Variants in IL34 observed in about 807,000 individuals in gnomAD.
IL34 encodes the protein interleukin-34.
IL34 carries 17 observed loss-of-function variants against 25.3 expected under a neutral mutation model. That is an observed-to-expected ratio of 0.67 (90% confidence interval 0.46 to 1.01). IL34 has a LOEUF of 1.01. IL34 is among the 50% of genes least tolerant of loss of function. The pLI, the probability that IL34 is intolerant of heterozygous loss-of-function variation, is 0.00. For synonymous variants in IL34, 174 were observed against 140.9 expected, an observed-to-expected ratio of 1.23 and a Z score of -1.66; for missense variants, 368 against 312.9, an observed-to-expected ratio of 1.18 and a Z score of -1.33.
chr16:70,638,221 A>G (rs1281846217), intron 1 of IL34, among the ~76,000 whole-genome samples: 5 of 151,986 alleles, frequency 3.3e-5, no homozygotes, highest in Non-Finnish European at 7.4e-5. Flanking sequence ...TCATGCCTGT[A>G]ACCCCAGCAC....
intron 1 of IL34, among the ~76,000 whole-genome samples, chr16:70,585,403 T>G (rs533672282): frequency 6.6e-6 from 1 of 152,150 alleles, no homozygotes; most frequent in African/African-American, 2.4e-5. Flanking sequence ...AAAAAATAAT[T>G]TTTTTGAGGC....
intron 1 of IL34, among the ~76,000 whole-genome samples, chr16:70,652,173 A>C (rs1261183696): frequency 6.7e-6 from 1 of 149,680 alleles, no homozygotes; most frequent in Non-Finnish European, 1.5e-5. Flanking sequence ...TGCAAGGCCA[A>C]GGCCAGGTGT....
chr16:70,643,066 A>G (rs1199101443), upstream of IL34, among the ~76,000 whole-genome samples: 1 of 151,956 alleles, frequency 6.6e-6, no homozygotes, highest in Non-Finnish European at 1.5e-5. Context: ...ATTTTTATTT[A>G]TTTTTATTTA....
At chr16:70,626,338 T>C (rs1248058068) in intron 1 of IL34, among the ~76,000 whole-genome samples, 1 of 152,198 alleles carries the variant, frequency 6.6e-6, no homozygotes, top group East Asian at 1.9e-4. Context: ...GAATGTTTAA[T>C]CATAGGTACC....
intron 1 of IL34, among the ~76,000 whole-genome samples, chr16:70,621,734 G>T (rs977906147): frequency 6.6e-6 from 1 of 152,098 alleles, no homozygotes; most frequent in African/African-American, 2.4e-5. Flanking sequence ...ATAAGGGTGG[G>T]GCCGTTTTAT....
chr16:70,606,436 A>G (rs1206365549), intron 1 of IL34, among the ~76,000 whole-genome samples: 1 of 152,130 alleles, frequency 6.6e-6, no homozygotes, highest in African/African-American at 2.4e-5. Context: ...TGTAGATCAT[A>G]AATCAAGATA....
At chr16:70,641,503 CCCTCTCTCCCTCCCTCCCTT>C (rs1260270048) in intron 1 of IL34, among the ~76,000 whole-genome samples, 5 of 107,154 alleles carry the variant, frequency 4.7e-5, no homozygotes, top group African/African-American at 1.9e-4. Context: ...TTCTTTCCCT[CCCTCTCTCCCTCCCTCCCTT>C]CCTCCCTCCC....
At chr16:70,611,363 TC>T (rs112853071) in intron 1 of IL34, among the ~76,000 whole-genome samples, 2 of 152,078 alleles carry the variant, frequency 1.3e-5, no homozygotes, top group Admixed American at 1.3e-4. Context: ...TGTGTCCTTC[TC>T]CCCGCCACCT....
intron 1 of IL34, among the ~76,000 whole-genome samples, chr16:70,589,035 G>A (rs1024204795): frequency 7.9e-5 from 12 of 151,924 alleles, no homozygotes; most frequent in East Asian, 1.9e-4. Flanking sequence ...AGCTGAGAGC[G>A]GTGGCAAAAA....
intron 1 of IL34, among the ~76,000 whole-genome samples, chr16:70,627,200 G>C (rs2051413268): frequency 6.6e-6 from 1 of 152,048 alleles, no homozygotes; most frequent in Non-Finnish European, 1.5e-5. Flanking sequence ...GGCTATTCTT[G>C]CTCATTTTTT....
chr16:70,589,412 C>A (rs1160269893), intron 1 of IL34, among the ~76,000 whole-genome samples: 1 of 152,038 alleles, frequency 6.6e-6, no homozygotes, highest in Non-Finnish European at 1.5e-5. Context: ...TTCAGATAGA[C>A]CCCAGTGTCT....
intron 1 of IL34, among the ~76,000 whole-genome samples, chr16:70,626,806 C>T (rs1323296703): frequency 1.3e-5 from 2 of 152,012 alleles, no homozygotes; most frequent in Non-Finnish European, 2.9e-5. Context: ...TTTATTTTTT[C>T]TTCCAGATGA....
intron 1 of IL34, among the ~76,000 whole-genome samples, chr16:70,603,173 C>T (rs2050944287): frequency 6.6e-6 from 1 of 152,180 alleles, no homozygotes; most frequent in Non-Finnish European, 1.5e-5. Context: ...ATGTAAGAGA[C>T]AGTTCTTCTC....
chr16:70,604,746 G>C (rs994879796), intron 1 of IL34, among the ~76,000 whole-genome samples: 17 of 152,206 alleles, frequency 1.1e-4, no homozygotes, highest in African/African-American at 3.9e-4. Context: ...TCCCGGCCTG[G>C]GGCCCAGGCA....
chr16:70,592,082 T>TC (rs5817704), intron 1 of IL34, among the ~76,000 whole-genome samples: 1 of 151,448 alleles, frequency 6.6e-6, no homozygotes, highest in Non-Finnish European at 1.5e-5. Context: ...GTCCTTCTAC[T>TC]CCCCCCACCA....
chr16:70,590,731 G>A (rs887929488), intron 1 of IL34, among the ~76,000 whole-genome samples: 1 of 152,164 alleles, frequency 6.6e-6, no homozygotes, highest in Admixed American at 6.5e-5. Context: ...CCTGCCCAAG[G>A]TTAGCCAGCA....
At chr16:70,612,190 C>G (rs2051101041) in intron 1 of IL34, among the ~76,000 whole-genome samples, 1 of 152,206 alleles carries the variant, frequency 6.6e-6, no homozygotes, top group Non-Finnish European at 1.5e-5. Context: ...GATCATGGAA[C>G]CAGCTGACCC....
chr16:70,632,609 G>A (rs1265265865), intron 1 of IL34, among the ~76,000 whole-genome samples: 1 of 152,176 alleles, frequency 6.6e-6, no homozygotes, highest in Non-Finnish European at 1.5e-5. Flanking sequence ...TTCCAATGGA[G>A]CATCTGCAAA....
chr16:70,643,015 T>C (rs1482568389), upstream of IL34, among the ~76,000 whole-genome samples: 1 of 152,072 alleles, frequency 6.6e-6, no homozygotes, highest in African/African-American at 2.4e-5. Flanking sequence ...TTGCACAACT[T>C]AGTACACTAA....
Sources: gnomAD v4.1 joint callset for allele counts (sites outside exome capture counted in the v4.1 genomes callset) on GRCh38, gnomAD v4.1.1 for gene constraint, MANE v1.5 for transcripts, NCBI Gene and HGNC (gene_info 2026-07-23, HGNC 2026-07-21) for gene names.